Variants in DOK6 observed in about 807,000 individuals in gnomAD.
The protein encoded by DOK6 is docking protein 6, also known as downstream of tyrosine kinase 6.
In DOK6, 22 loss-of-function variants were observed where a neutral mutation model predicts 44.0. The ratio of observed to expected loss-of-function variants is 0.50; its 90% confidence interval spans 0.36 to 0.71. The LOEUF is 0.71. Among genes scored for constraint, DOK6 ranks in the 30% least tolerant of loss-of-function variants. The probability of loss-of-function intolerance (pLI) is 0.00; values close to 1 mark genes in which losing one functional copy is unlikely to be tolerated. For missense variants in DOK6, 340 were observed against 416.4 expected, an observed-to-expected ratio of 0.82 and a Z score of 1.60; for synonymous variants, 166 against 145.5, an observed-to-expected ratio of 1.14 and a Z score of -1.01.
chr18:69,692,474 T>C (rs1484313525), intron 4 of DOK6, among the ~76,000 whole-genome samples: 1 of 152,252 alleles, frequency 6.6e-6, no homozygotes, highest in Non-Finnish European at 1.5e-5. Flanking sequence ...CTAAACAATG[T>C]CTTCCATAAA....
chr18:69,749,262 A>G (rs1234093328), intron 6 of DOK6, among the ~76,000 whole-genome samples: 1 of 152,296 alleles, frequency 6.6e-6, no homozygotes, highest in East Asian at 1.9e-4. Context: ...GTTTACCTAT[A>G]TAACAATCCT....
At chr18:69,498,610 G>T (rs1357708557) in intron 1 of DOK6, among the ~76,000 whole-genome samples, 1 of 152,168 alleles carries the variant, frequency 6.6e-6, no homozygotes, top group East Asian at 1.9e-4. Context: ...TGATAACTTA[G>T]TGTATAAGTT....
intron 1 of DOK6, among the ~76,000 whole-genome samples, chr18:69,471,204 C>T (rs1475178697): frequency 1.5e-5 from 2 of 137,276 alleles, no homozygotes; most frequent in Admixed American, 7.9e-5. Flanking sequence ...GAGCTGAGAT[C>T]GCGCCATTGC....
intron 1 of DOK6, among the ~76,000 whole-genome samples, chr18:69,419,963 C>T (rs1186205092): frequency 1.3e-5 from 2 of 152,090 alleles, no homozygotes; most frequent in African/African-American, 4.8e-5. Flanking sequence ...AATGTAAAGC[C>T]TGTAATTGGA....
intron 1 of DOK6, among the ~76,000 whole-genome samples, chr18:69,520,525 A>C (rs1016885928): frequency 1.3e-5 from 2 of 152,032 alleles, no homozygotes; most frequent in South Asian, 4.1e-4. Flanking sequence ...AAAATGCTCC[A>C]AAATTCAAAA....
At chr18:69,483,076 G>T (rs1366524356) in intron 1 of DOK6, among the ~76,000 whole-genome samples, 3 of 151,574 alleles carry the variant, frequency 2.0e-5, no homozygotes, top group Admixed American at 2.0e-4. Context: ...AGTGTGTATT[G>T]TACTCTATGT....
chr18:69,449,782 A>AC (rs1979405544), intron 1 of DOK6, among the ~76,000 whole-genome samples: 1 of 150,618 alleles, frequency 6.6e-6, no homozygotes, highest in African/African-American at 2.4e-5. Flanking sequence ...ACTGGGAGGC[A>AC]CCCCCCAGCA....
chr18:69,626,858 C>A (rs1034681627), intron 3 of DOK6, among the ~76,000 whole-genome samples: 2 of 152,134 alleles, frequency 1.3e-5, no homozygotes, highest in Non-Finnish European at 2.9e-5. Context: ...ATTTCTGTCT[C>A]AAAGAGGCAG....
chr18:69,481,229 T>A (rs1980411577), intron 1 of DOK6, among the ~76,000 whole-genome samples: 1 of 152,112 alleles, frequency 6.6e-6, no homozygotes, highest in East Asian at 1.9e-4. Context: ...TTTTTTATAT[T>A]TTTTATTATT....
At chr18:69,707,831 A>C (rs946049951) in intron 5 of DOK6, among the ~76,000 whole-genome samples, 17 of 152,210 alleles carry the variant, frequency 1.1e-4, no homozygotes, top group Non-Finnish European at 1.5e-5. Flanking sequence ...CTATCTAGGC[A>C]AACGGGCACC....
intron 1 of DOK6, among the ~76,000 whole-genome samples, chr18:69,471,141 C>G (rs1761940941): frequency 1.4e-5 from 2 of 147,236 alleles, no homozygotes; most frequent in African/African-American, 2.5e-5. Context: ...CCCAGCTACT[C>G]GGGAAGCTGG....
At chr18:69,812,389 A>C (rs942368300) in intron 7 of DOK6, among the ~76,000 whole-genome samples, 7 of 152,142 alleles carry the variant, frequency 4.6e-5, no homozygotes, top group Non-Finnish European at 7.3e-5. Flanking sequence ...CATTTTTCAT[A>C]TATTTTTGAA....
intron 3 of DOK6, among the ~76,000 whole-genome samples, chr18:69,628,330 A>T (rs1984607179): frequency 6.6e-6 from 1 of 152,272 alleles, no homozygotes; most frequent in East Asian, 1.9e-4. Flanking sequence ...ATGTTTACTA[A>T]AATATAAAAC....
At chr18:69,699,420 A>G (rs1175402425) in intron 5 of DOK6, among the ~76,000 whole-genome samples, 9 of 152,294 alleles carry the variant, frequency 5.9e-5, no homozygotes, top group African/African-American at 1.7e-4. Context: ...CATTCTAATA[A>G]TATCTATCTA....
At chr18:69,708,274 G>A (rs1396695370) in intron 5 of DOK6, among the ~76,000 whole-genome samples, 1 of 152,112 alleles carries the variant, frequency 6.6e-6, no homozygotes, top group Non-Finnish European at 1.5e-5. Context: ...TACGCAATGT[G>A]CCTAGGGCAA....
intron 5 of DOK6, among the ~76,000 whole-genome samples, chr18:69,737,372 C>G (rs190900704): frequency 6.6e-6 from 1 of 152,068 alleles, no homozygotes. Context: ...TCAGATCTCG[C>G]GAGAACTCGT....
chr18:69,808,805 C>T (rs1315684777), intron 7 of DOK6, among the ~76,000 whole-genome samples: 1 of 151,724 alleles, frequency 6.6e-6, no homozygotes, highest in Non-Finnish European at 1.5e-5. Context: ...AAAAGTCTCC[C>T]ATCAGTGAAA....
At chr18:69,436,010 A>G (rs950376574) in intron 1 of DOK6, among the ~76,000 whole-genome samples, 1 of 152,050 alleles carries the variant, frequency 6.6e-6, no homozygotes, top group Non-Finnish European at 1.5e-5. Flanking sequence ...GTACTATTTT[A>G]ACTGAAGGTT....
chr18:69,830,938 T>G (rs1214509222), intron 7 of DOK6, among the ~76,000 whole-genome samples: 2 of 152,192 alleles, frequency 1.3e-5, no homozygotes, highest in Non-Finnish European at 2.9e-5. Context: ...CTAATTTATT[T>G]TTTTTCCACA....
Sources: allele counts gnomAD v4.1 joint callset (sites outside exome capture counted in the v4.1 genomes callset), GRCh38; gene constraint gnomAD v4.1.1; transcripts MANE v1.5; gene names NCBI Gene and HGNC (gene_info 2026-07-23, HGNC 2026-07-21).